Variants in FGL1 observed in about 807,000 individuals in gnomAD.
FGL1 encodes fibrinogen-like protein 1.
In FGL1, 59 loss-of-function variants were observed where a neutral mutation model predicts 43.7. The ratio of observed to expected loss-of-function variants is 1.35; its 90% CI spans 1.10 to 1.68. The LOEUF (loss-of-function observed/expected upper bound fraction) is 1.68, where lower values mean the gene tolerates loss of function less well. FGL1 is among the 40% of genes most tolerant of loss of function. The pLI is 0.00. For synonymous variants in FGL1, 192 were observed against 126.5 expected, an observed-to-expected ratio of 1.52 and a Z score of -3.48; for missense variants, 596 against 373.0, an observed-to-expected ratio of 1.60 and a Z score of -4.92.
At chr8:17,883,424 A>G (rs1395060033) in intron 2 of FGL1, among the ~76,000 whole-genome samples, 2 of 62,864 alleles carry the variant, frequency 3.2e-5, no homozygotes, top group Admixed American at 1.8e-4. Flanking sequence ...AAAATATATA[A>G]TATGAATATA....
chr8:17,872,281 C>T (rs1040253438), intron 5 of FGL1, among the ~76,000 whole-genome samples: 1 of 93,324 alleles, frequency 1.1e-5, no homozygotes, highest in Non-Finnish European at 2.2e-5. Context: ...AACAAAGGAA[C>T]TTTTGTTTTA....
chr8:17,878,718 C>A (rs1056496526), intron 3 of FGL1, among the ~76,000 whole-genome samples: 4 of 151,954 alleles, frequency 2.6e-5, no homozygotes, highest in Non-Finnish European at 5.9e-5. Context: ...GTGTTTTCTA[C>A]CATCAGATAA....
At chr8:17,877,333 G>A (rs34210260) in intron 3 of FGL1, among the ~76,000 whole-genome samples, 1 of 152,108 alleles carries the variant, frequency 6.6e-6, no homozygotes, top group South Asian at 2.1e-4. Context: ...ATTAAACTGG[G>A]TTATGTGTGT....
chr8:17,876,564 A>G (rs184445997), intron 3 of FGL1, among the ~76,000 whole-genome samples: 3 of 152,346 alleles, frequency 2.0e-5, no homozygotes, highest in Non-Finnish European at 2.9e-5. Context: ...AAGAAGCAAA[A>G]CAATGAGAAA....
chr8:17,883,532 A>T (rs1328859747), intron 2 of FGL1, among the ~76,000 whole-genome samples: 1 of 136,502 alleles, frequency 7.3e-6, no homozygotes, highest in Admixed American at 7.9e-5. Context: ...ATATAATTGT[A>T]TTTATTATAT....
chr8:17,867,194 A>C (rs779021450), intron 7 of FGL1, among the ~76,000 whole-genome samples: 2 of 152,192 alleles, frequency 1.3e-5, no homozygotes, highest in Non-Finnish European at 2.9e-5. Flanking sequence ...GATAATACCA[A>C]ATTCTATATA....
At chr8:17,866,145 A>G (rs1304521754) in intron 7 of FGL1, among the ~76,000 whole-genome samples, 1 of 152,194 alleles carries the variant, frequency 6.6e-6, no homozygotes, top group Admixed American at 6.5e-5. Flanking sequence ...CCATTAGGAA[A>G]CTGACTCTGT....
At chr8:17,877,389 T>C (rs1381952523) in intron 3 of FGL1, among the ~76,000 whole-genome samples, 1 of 152,226 alleles carries the variant, frequency 6.6e-6, no homozygotes, top group Non-Finnish European at 1.5e-5. Context: ...GAAGGCTGAA[T>C]GTTTAAGCTC....
chr8:17,881,859 G>T, intron 3 of FGL1, 140 bp downstream of exon 3: 6 of 634,440 alleles, frequency 9.5e-6, no homozygotes, highest in Non-Finnish European at 1.2e-5. Context: ...AGTAAAGTGT[G>T]AAAGAAGACA....
At chr8:17,866,060 T>C (rs2053265328) in intron 7 of FGL1, among the ~76,000 whole-genome samples, 1 of 152,226 alleles carries the variant, frequency 6.6e-6, no homozygotes, top group Non-Finnish European at 1.5e-5. Context: ...CTCCAGAATA[T>C]ATATTTTGGC....
rs1299711419 is a variant in FGL1 at position 17,874,217 on chromosome 8, G to A, written c.405-101C>T. 6 of 1,348,884 alleles carry A rather than the reference G, an allele frequency of 4.4e-6. 1 individual carries two copies. In the Admixed American group the frequency reaches 1.0e-4, roughly 24 times the overall value. The allele number at this position is 1,348,884 out of a possible 1,614,324, so 83.6% of individuals were successfully genotyped here. A position where few individuals can be genotyped will look rare whatever the true frequency, so the allele number is the denominator to read the frequency against. Reference sequence around the variant, plus strand: ...CTACCACCACCTCCAATATTTTCTTGATTAGTTAATTCATTTTCAGTATTC... The same window carrying A: ...CTACCACCACCTCCAATATTTTCTTAATTAGTTAATTCATTTTCAGTATTC... On this transcript the variant is annotated intron_variant, in intron 4 of 7. Coordinates refer to ENST00000427924, the MANE Select transcript of FGL1 (RefSeq NM_004467.4).
chr8:17,890,982 C>G (rs1418678766), intron 1 of FGL1, among the ~76,000 whole-genome samples: 5 of 152,160 alleles, frequency 3.3e-5, no homozygotes, highest in Non-Finnish European at 7.3e-5. Context: ...CAAACAACAT[C>G]ACCCACACAC....
intron 3 of FGL1, among the ~76,000 whole-genome samples, chr8:17,877,837 C>G (rs1048484234): frequency 6.6e-6 from 1 of 152,180 alleles, no homozygotes; most frequent in Admixed American, 6.5e-5. Flanking sequence ...GAATGCGATA[C>G]TCTTGTAGGG....
intron 1 of FGL1, among the ~76,000 whole-genome samples, chr8:17,893,364 G>A (rs1029976365): frequency 3.3e-5 from 5 of 151,132 alleles, no homozygotes; most frequent in African/African-American, 9.7e-5. Flanking sequence ...TACGCACACT[G>A]TATATATACG....
In FGL1 at chr8:17,875,512, TTTC is replaced by T. The variant is rs2053434026; in HGVS notation, c.245-994_245-992del. On this transcript the variant is annotated intron_variant, in intron 3 of 7. Coordinates refer to ENST00000427924, the MANE Select transcript of FGL1 (RefSeq NM_004467.4). ...CTTTCTTTCTTTCTTTCTTTCTTTC[TTTC>T]TTTCTTTCTTTCTTTCTTTCTCTTT... 6.3e-4 allele frequency among the ~76,000 whole-genome samples: 6 copies of T among 9,578 alleles called. 1 individual carries two copies. Among genetic ancestry groups the T allele is most frequent in the African/African-American group, 2.0e-3 (6 of 3,018 alleles). The allele number at this position is 9,578 out of a possible 152,430, so 6.3% of individuals were successfully genotyped here.
chr8:17,864,932 T>C (rs545887860), intron 7 of FGL1, among the ~76,000 whole-genome samples, 181 bp from the exon 8 acceptor site: 1 of 152,100 alleles, frequency 6.6e-6, no homozygotes, highest in Non-Finnish European at 1.5e-5. Flanking sequence ...ATGGCTATTG[T>C]ATTTTATTTT....
At chr8:17,870,263 T>C (rs1016732216) in intron 5 of FGL1, among the ~76,000 whole-genome samples, 2 of 152,170 alleles carry the variant, frequency 1.3e-5, no homozygotes, top group African/African-American at 4.8e-5. Flanking sequence ...ATAAGAGCAT[T>C]ATGTTTTTAA....
chr8:17,883,983 C>T (rs1419628856), intron 2 of FGL1, among the ~76,000 whole-genome samples: 1 of 149,854 alleles, frequency 6.7e-6, no homozygotes, highest in Non-Finnish European at 1.5e-5. Flanking sequence ...CTTCCCATCC[C>T]TAGGTCCAAG....
intron 2 of FGL1, chr8:17,882,736 AATAATATATAATATAT>A (rs1315462257): frequency 4.5e-5 from 6 of 133,032 alleles, no homozygotes; most frequent in Middle Eastern, 3.8e-3. Context: ...TATGCATATA[AATAATATATAATATAT>A]ATAATATATA....
Sources: gnomAD v4.1 joint callset for allele counts (sites outside exome capture counted in the v4.1 genomes callset) on GRCh38, gnomAD v4.1.1 for gene constraint, MANE v1.5 for transcripts, NCBI Gene and HGNC (gene_info 2026-07-23, HGNC 2026-07-21) for gene names.